Variants in DCLK1 observed in about 807,000 individuals in gnomAD.
DCLK1 encodes doublecortin like kinase 1, also known as serine/threonine-protein kinase DCLK1.
DCLK1 carries 16 observed loss-of-function variants against 86.2 expected under a neutral mutation model. That is an observed-to-expected ratio of 0.19 (90% CI 0.13 to 0.28). The LOEUF (loss-of-function observed/expected upper bound fraction) is 0.28. Among genes scored for constraint, DCLK1 ranks in the 10% least tolerant of loss-of-function variants. The pLI is 1.00. For missense variants in DCLK1, 590 were observed against 940.2 expected (o/e 0.63, Z 4.87); for synonymous variants, 369 against 370.5 (o/e 1.00, Z 0.05).
intron 4 of DCLK1, among the ~76,000 whole-genome samples, chr13:35,926,374 T>C (rs1223932356): frequency 6.6e-6 from 1 of 152,150 alleles, no homozygotes; most frequent in African/African-American, 2.4e-5. Context: ...GTAGTCTTAT[T>C]GTCAGGGACC....
At chr13:35,896,351 C>A (rs1593709892) in intron 4 of DCLK1, among the ~76,000 whole-genome samples, 1 of 151,902 alleles carries the variant, frequency 6.6e-6, no homozygotes, top group South Asian at 2.1e-4. Context: ...CCAGCCTGAC[C>A]AACATGGTGA....
chr13:35,867,595 T>A (rs562348479), intron 5 of DCLK1, among the ~76,000 whole-genome samples: 11 of 152,304 alleles, frequency 7.2e-5, no homozygotes, highest in Admixed American at 7.2e-4. Flanking sequence ...CTAAAAGGAA[T>A]AATTACAAAT....
chr13:36,054,854 A>C (rs1008695596), intron 3 of DCLK1, among the ~76,000 whole-genome samples: 12 of 152,196 alleles, frequency 7.9e-5, no homozygotes, highest in African/African-American at 2.7e-4. Flanking sequence ...GGGACTTGTT[A>C]CACAACTAGT....
At chr13:35,814,223 T>A (rs9545438) in intron 11 of DCLK1, among the ~76,000 whole-genome samples, 41,873 of 152,016 alleles carry the variant, frequency 0.28, 6,495 homozygotes, top group African/African-American at 0.42. Context: ...TTGTTAAAAA[T>A]TCACAGATTG....
chr13:35,773,461 T>C lies in DCLK1; in HGVS notation c.*1074A>G, dbSNP rs957661698. The C allele has an allele frequency of 1.3e-5, 2 of 152,054 alleles. No individual in the cohort carries two copies. Among genetic ancestry groups the C allele is most frequent in the Admixed American group, 1.3e-4 (2 of 15,180 alleles). The allele number at this position is 152,054 out of a possible 1,614,324, so 9.4% of individuals were successfully genotyped here. On this transcript the variant is annotated 3_prime_UTR_variant, in exon 17 of 17. Coordinates refer to ENST00000360631, the MANE Select transcript of DCLK1 (RefSeq NM_001330071.2). ...TATTGTTAGAACATTCTGGATTGTG[T>C]TCCCAGTGTGCTTTCTCCTCAGCCA...
intron 3 of DCLK1, among the ~76,000 whole-genome samples, chr13:36,099,811 A>G (rs1034310583): frequency 1.3e-5 from 2 of 152,182 alleles, no homozygotes; most frequent in Non-Finnish European, 2.9e-5. Flanking sequence ...TTTTATGGTC[A>G]CTGTCAATAA....
At chr13:36,062,054 C>A (rs549116007) in intron 3 of DCLK1, among the ~76,000 whole-genome samples, 4 of 152,316 alleles carry the variant, frequency 2.6e-5, no homozygotes, top group African/African-American at 9.6e-5. Flanking sequence ...GTGATTCACA[C>A]TTCAGTTGAG....
chr13:35,998,468 C>T (rs1051485148), intron 3 of DCLK1, among the ~76,000 whole-genome samples: 11 of 152,092 alleles, frequency 7.2e-5, no homozygotes, highest in African/African-American at 2.2e-4. Flanking sequence ...CTTCGGGTCC[C>T]TGTTCTCCAG....
At chr13:35,914,212 G>A (rs1247607150) in intron 4 of DCLK1, among the ~76,000 whole-genome samples, 5 of 151,174 alleles carry the variant, frequency 3.3e-5, no homozygotes, top group African/African-American at 7.3e-5. Context: ...CCAGCTACTC[G>A]AGAGGCTGAG....
intron 3 of DCLK1, among the ~76,000 whole-genome samples, chr13:35,981,007 GA>G (rs1241249146): frequency 2.6e-5 from 4 of 151,746 alleles, no homozygotes; most frequent in Admixed American, 6.6e-5. Flanking sequence ...ATGGATGGGG[GA>G]AAAAAATCCC....
chr13:36,088,715 G>A (rs1429392425), intron 3 of DCLK1, among the ~76,000 whole-genome samples: 1 of 152,174 alleles, frequency 6.6e-6, no homozygotes, highest in Non-Finnish European at 1.5e-5. Flanking sequence ...ATTCCAGGGA[G>A]GGTGGAACCT....
intron 9 of DCLK1, 36 bp from the exon 10 acceptor site, chr13:35,827,790 T>TAAAAC (rs769785860): frequency 8.7e-6 from 14 of 1,610,416 alleles, no homozygotes; most frequent in Non-Finnish European, 1.1e-5. Context: ...TCAGCTTCCA[T>TAAAAC]AAAACATGTG....
intron 3 of DCLK1, among the ~76,000 whole-genome samples, chr13:35,975,038 T>A (rs889217499): frequency 1.3e-5 from 2 of 152,054 alleles, no homozygotes; most frequent in South Asian, 4.1e-4. Flanking sequence ...GTGAAAAAAG[T>A]GAGGGCAGAG....
At chr13:35,972,949 C>T (rs956778053) in intron 3 of DCLK1, among the ~76,000 whole-genome samples, 3 of 152,100 alleles carry the variant, frequency 2.0e-5, no homozygotes, top group Non-Finnish European at 4.4e-5. Context: ...ATTATTATTC[C>T]CACATCCCCA....
At chr13:35,953,387 A>G (rs1180206759) in intron 3 of DCLK1, among the ~76,000 whole-genome samples, 3 of 152,150 alleles carry the variant, frequency 2.0e-5, no homozygotes, top group Non-Finnish European at 4.4e-5. Flanking sequence ...ATTATGATCA[A>G]TAGTTACCAC....
intron 4 of DCLK1, among the ~76,000 whole-genome samples, chr13:35,901,702 A>G (rs879669565): frequency 2.6e-5 from 4 of 151,960 alleles, no homozygotes; most frequent in Non-Finnish European, 5.9e-5. Context: ...GCTGTCCTCC[A>G]TCCTTCTCCT....
intron 5 of DCLK1, among the ~76,000 whole-genome samples, chr13:35,857,917 A>G (rs904657984): frequency 9.8e-5 from 15 of 152,340 alleles, no homozygotes; most frequent in African/African-American, 3.6e-4. Flanking sequence ...AGGCGGAGGA[A>G]TGTCAGGAAT....
At chr13:35,942,291 C>T (rs1367040614) in intron 4 of DCLK1, among the ~76,000 whole-genome samples, 3 of 152,060 alleles carry the variant, frequency 2.0e-5, no homozygotes, top group South Asian at 2.1e-4. Context: ...CTCAGCCTCC[C>T]GAGTAGCTGG....
At chr13:35,782,992 CT>C (rs1291721460) in intron 16 of DCLK1, among the ~76,000 whole-genome samples, 1 of 152,240 alleles carries the variant, frequency 6.6e-6, no homozygotes, top group Non-Finnish European at 1.5e-5. Context: ...TCCAATAAAA[CT>C]TTATTTACAA....
Sources: allele counts gnomAD v4.1 joint callset (sites outside exome capture counted in the v4.1 genomes callset), GRCh38; gene constraint gnomAD v4.1.1; transcripts MANE v1.5; gene names NCBI Gene and HGNC (gene_info 2026-07-23, HGNC 2026-07-21).